The following SETD1A variants were observed in gnomAD, a reference collection of about 807,000 sequenced individuals.
The protein encoded by SETD1A is histone-lysine N-methyltransferase SETD1A.
SETD1A carries 29 observed loss-of-function variants against 149.9 expected under a neutral mutation model. That is an observed-to-expected ratio of 0.19 (90% CI 0.14 to 0.26). The LOEUF is 0.26. Among genes scored for constraint, SETD1A ranks in the 10% least tolerant of loss-of-function variants. The pLI, the probability that SETD1A is intolerant of heterozygous loss-of-function variation, is 1.00. For missense variants in SETD1A, 2,109 were observed against 2,353.1 expected (o/e 0.90, Z 2.15); for synonymous variants, 1,141 against 968.5 (o/e 1.18, Z -3.31).
intron 13 of SETD1A, among the ~76,000 whole-genome samples, chr16:30,974,831 A>G (rs1037620871): frequency 6.6e-6 from 1 of 151,570 alleles, no homozygotes. Flanking sequence ...ACATGGTGAA[A>G]CCCCATCTTA....
intron 12 of SETD1A, among the ~76,000 whole-genome samples, chr16:30,970,846 C>G (rs2056215232): frequency 6.6e-6 from 1 of 152,218 alleles, no homozygotes; most frequent in South Asian, 2.1e-4. Flanking sequence ...TCTAACTTAT[C>G]CAATTCTGTT....
chr16:30,967,475 G>A (rs1180751330), intron 9 of SETD1A, 26 bp from the exon 10 acceptor site: 3 of 1,608,974 alleles, frequency 1.9e-6, no homozygotes, highest in Admixed American at 1.7e-5. Flanking sequence ...GCTCTAAACA[G>A]GCCCCATCTT....
Position 30,965,006 on chromosome 16 carries a change from G to C in SETD1A, c.1264G>C (p.Asp422His). ...YLPPEPSRPT[D>H]QDYRPPASEA... ...GCCCCCCGAGCCCAGCCGGCCCACCGACCAGGACTACCGGCCTCCTGCCTC... is the reference window on the plus strand; with the variant it reads ...GCCCCCCGAGCCCAGCCGGCCCACCCACCAGGACTACCGGCCTCCTGCCTC... The change falls in exon 7 of 19, where the codon GAC (aspartate) becomes CAC (histidine). Residue 422 changes from aspartate to histidine, a missense_variant. Asp to His is a moderately conservative substitution (Grantham distance 81). Around this residue, in one of 8 missense-constraint regions of SETD1A, gnomAD observed 410 missense variants for 394.8 expected, o/e 1.04. Transcript: ENST00000262519. 6.2e-7 allele frequency: 1 copy of C among 1,613,462 alleles called. No individual in the cohort carries two copies. Among genetic ancestry groups the C allele is most frequent in the Non-Finnish European group, 8.5e-7 (1 of 1,179,916 alleles).
chr16:30,966,439 G>T, intron 8 of SETD1A, 53 bp downstream of exon 8: 4 of 1,541,182 alleles, frequency 2.6e-6, no homozygotes, highest in East Asian at 2.3e-5. Context: ...GAGGAAATGG[G>T]CCTCTGGCTC....
At position 30,967,673 on chromosome 16, in the gene SETD1A, C is replaced by A; in HGVS notation, c.2770+85C>A. On this transcript the variant is annotated intron_variant, in intron 10 of 18. Coordinates refer to ENST00000262519, the MANE Select transcript of SETD1A (RefSeq NM_014712.3). The stretch of plus-strand genomic sequence containing the variant: ...AGAGGTAGGGATGAAGGGGTCAGGT[C>A]GTCCTGAGGGCACAGCCAGGTGGAG... The A allele has an allele frequency of 3.4e-6, 4 of 1,165,894 alleles. No individual in the cohort carries two copies. In the South Asian group the frequency reaches 3.8e-5, roughly 11 times the overall value. The allele number at this position is 1,165,894 out of a possible 1,614,324, so 72.2% of individuals were successfully genotyped here.
At chr16:30,960,430 A>G (rs563396268) in intron 3 of SETD1A, among the ~76,000 whole-genome samples, 2 of 152,272 alleles carry the variant, frequency 1.3e-5, no homozygotes, top group Non-Finnish European at 2.9e-5. Context: ...TTAATCCCCA[A>G]ATCTCAGTAA....
intron 13 of SETD1A, among the ~76,000 whole-genome samples, chr16:30,974,088 C>T (rs563438623): frequency 6.7e-4 from 102 of 152,018 alleles, no homozygotes; most frequent in Non-Finnish European, 1.1e-3. Context: ...CAAAGCCGAG[C>T]GGTTCTAATG....
intron 12 of SETD1A, among the ~76,000 whole-genome samples, chr16:30,970,408 C>T (rs1481090312): frequency 6.6e-6 from 1 of 152,024 alleles, no homozygotes; most frequent in East Asian, 1.9e-4. Context: ...GCTGGGATTA[C>T]AGGTGTGAGC....
rs751546799 is a variant in SETD1A, at chr16:30,971,514, C to T, written c.3153C>T (p.Ser1051=). ...SSSSSSSSSS[S]SSSSSSSESS... ...CCTCCTCCTCCTCCTCGTCCTCATC[C>T]TCCTCGTCCTCTTCATCCTCTGAGT... Residue 1051 remains serine, a synonymous_variant, in exon 13 of 19, where the codon TCC becomes TCT. Coordinates refer to ENST00000262519, the MANE Select transcript of SETD1A (RefSeq NM_014712.3). The T allele has an allele frequency of 1.5e-5, 25 of 1,613,720 alleles. No homozygotes were observed. The highest frequency in any genetic ancestry group is 1.9e-5 in the Non-Finnish European group (23 of 1,179,832).
chr16:30,967,705 G>A, intron 10 of SETD1A, 117 bp downstream of exon 10: 1 of 794,708 alleles, frequency 1.3e-6, no homozygotes, highest in South Asian at 1.5e-5. Flanking sequence ...GGAGGTGCAG[G>A]GTTGAAATGC....
Position 30,984,084 on chromosome 16 carries a change from C to A in SETD1A, c.*61C>A. ...TCCCCCTGGTGCCCTGAGCTCCCAG[C>A]ACCCCCCCAGCCTTAGTGGGCTCAG... On this transcript the variant is annotated 3_prime_UTR_variant, in exon 19 of 19. Transcript: ENST00000262519. 6.7e-7 allele frequency: 1 copy of A among 1,492,548 alleles called. No homozygotes were observed. The highest frequency in any genetic ancestry group is 1.9e-5 in the Admixed American group (1 of 52,800). The allele number at this position is 1,492,548 out of a possible 1,614,324, so 92.5% of individuals were successfully genotyped here.
chr16:30,964,618 T>G lies in SETD1A; in HGVS notation c.876T>G (p.Thr292=), dbSNP rs779488297. ...SQDSAYSSST[T]STSFKPRRSE... is the part of the protein sequence containing the mutation. The stretch of plus-strand genomic sequence containing the variant: ...TCCCCTGCTTCTTCTCCAGCACCAC[T>G]TCAACCTCCTTCAAGCCCCGGCGGT... The change falls in exon 7 of 19, where the codon ACT becomes ACG. Residue 292 remains threonine (T), a synonymous_variant. Transcript: ENST00000262519. The G allele has an allele frequency of 4.3e-6, 7 of 1,612,374 alleles. No homozygotes were observed. Among genetic ancestry groups the G allele is most frequent in the Non-Finnish European group, 5.9e-6 (7 of 1,179,230 alleles).
Position 30,966,015 on chromosome 16 carries a change from G to C in SETD1A, c.2134G>C (p.Gly712Arg). ...ASAGPPGGAF[G>R]EAFLPFPPPQ... Reference sequence around the variant, plus strand: ...AGCTGGCCCCCCCGGTGGGGCCTTTGGGGAGGCCTTCCTCCCGTTTCCACC... The same window carrying C: ...AGCTGGCCCCCCCGGTGGGGCCTTTCGGGAGGCCTTCCTCCCGTTTCCACC... The change falls in exon 8 of 19, where the codon GGG becomes CGG. Residue 712 changes from glycine (G) to arginine (R), a missense_variant. By Grantham distance (125) the Gly-to-Arg change is moderately radical. Coordinates refer to ENST00000262519, the MANE Select transcript of SETD1A (RefSeq NM_014712.3). The C allele has an allele frequency of 6.4e-7, 1 of 1,569,562 alleles. No homozygotes were observed. The highest frequency in any genetic ancestry group is 1.2e-5 in the South Asian group (1 of 83,856).
chr16:30,964,562 G>A (rs565635323), intron 6 of SETD1A, 50 bp from the exon 7 acceptor site: 2 of 1,582,064 alleles, frequency 1.3e-6, no homozygotes, highest in Admixed American at 3.4e-5. Context: ...GTACGCTGTG[G>A]TTTGGTCATA....
chr16:30,977,707 C>A (rs958522790), intron 13 of SETD1A, among the ~76,000 whole-genome samples: 1 of 152,226 alleles, frequency 6.6e-6, no homozygotes, highest in Non-Finnish European at 1.5e-5. Context: ...CAGGCTGAGA[C>A]CCCAGCGGGT....
chr16:30,958,857 T>C lies in SETD1A; in HGVS notation c.126T>C (p.Tyr42=), dbSNP rs769679068. The C allele has an allele frequency of 1.2e-5, 19 of 1,614,190 alleles. No homozygotes were observed. The highest frequency in any genetic ancestry group is 1.6e-5 in the Non-Finnish European group (19 of 1,180,004). Residue 42 remains tyrosine, a synonymous_variant, in exon 2 of 19, where the codon TAT becomes TAC. Coordinates refer to ENST00000262519, the MANE Select transcript of SETD1A (RefSeq NM_014712.3). ...LRRPSQKVYR[Y]DGVHFSVNDS... is the part of the protein sequence containing the mutation. Reference sequence around the variant, plus strand: ...GGCCTTCTCAGAAGGTGTACCGCTATGATGGAGTCCACTTCAGTGTCAACG... The same window carrying C: ...GGCCTTCTCAGAAGGTGTACCGCTACGATGGAGTCCACTTCAGTGTCAACG...
rs549821779 is a variant in SETD1A, at chr16:30,959,025, G to T, written c.151-66G>T. 2.1e-6 allele frequency: 3 copies of T among 1,443,440 alleles called. No homozygotes were observed. The South Asian group carries it at 3.4e-5, about 17-fold the overall frequency. 89.4% of individuals were successfully genotyped at this position (1,443,440 alleles called of 1,614,324 possible). On this transcript the variant is annotated intron_variant, in intron 2 of 18. Transcript: ENST00000262519. ...CTTCTGCATGTGTGTGTCCAGATGG[G>T]CTGCTTGGAGCTCCCTAGCCTGGAT...
At chr16:30,977,726 C>A (rs2056301303) in intron 13 of SETD1A, among the ~76,000 whole-genome samples, 1 of 152,202 alleles carries the variant, frequency 6.6e-6, no homozygotes, top group African/African-American at 2.4e-5. Context: ...GTGTCTAGAG[C>A]CTAAGGTGCA....
At chr16:30,958,497 C>T (rs991341386) in intron 1 of SETD1A, 1 of 554,602 alleles carries the variant, frequency 1.8e-6, no homozygotes, top group Non-Finnish European at 3.2e-6. Flanking sequence ...TCGAGACGGG[C>T]CTGGGGGCCT....
Sources: gnomAD v4.1 joint callset for allele counts (sites outside exome capture counted in the v4.1 genomes callset) on GRCh38, gnomAD v4.1.1 for gene constraint, gnomAD v4.1.1 regional missense constraint, MANE v1.5 for transcripts, NCBI Gene and HGNC (gene_info 2026-07-23, HGNC 2026-07-21) for gene names.